ALDH1A3: variants seen among roughly 807,000 people sequenced by gnomAD.
ALDH1A3 encodes the protein retinaldehyde dehydrogenase 3.
In ALDH1A3, 28 loss-of-function variants were observed where a neutral mutation model predicts 57.5. That is an observed-to-expected ratio of 0.49 (90% CI 0.36 to 0.67). The LOEUF (loss-of-function observed/expected upper bound fraction) is 0.67, where lower values mean the gene tolerates loss of function less well. Ranked by LOEUF, ALDH1A3 falls within the 30% of genes least tolerant of loss-of-function variation. The probability of loss-of-function intolerance (pLI) is 0.00; values close to 1 mark genes in which losing one functional copy is unlikely to be tolerated. For synonymous variants in ALDH1A3, 281 were observed against 264.8 expected (o/e 1.06, Z -0.59); for missense variants, 507 against 669.4 (o/e 0.76, Z 2.68).
chr15:100,885,493 C>A, intron 2 of ALDH1A3, 122 bp downstream of exon 2: 1 of 680,144 alleles, frequency 1.5e-6, no homozygotes, highest in Middle Eastern at 2.5e-4. Flanking sequence ...CCTGGGCTAG[C>A]TGCGTGAATT....
Position 100,905,784 on chromosome 15 carries a change from G to C in ALDH1A3, c.1233+97G>C, listed in dbSNP as rs889087781. 3.9e-6 allele frequency: 5 copies of C among 1,289,902 alleles called. No individual in the cohort carries two copies. In the East Asian group the frequency reaches 1.3e-4, roughly 33 times the overall value. 79.9% of individuals were successfully genotyped at this position (1,289,902 alleles called of 1,614,324 possible). A position where few individuals can be genotyped will look rare whatever the true frequency, so the allele number is the denominator to read the frequency against. ...GATCCCAGAAATCCTTGTGATCTGA[G>C]TGTTTTTTTGTTTTTGTTGCTGTTG... On this transcript the variant is annotated intron_variant, in intron 10 of 12. Coordinates refer to ENST00000329841, the MANE Select transcript of ALDH1A3 (RefSeq NM_000693.4).
intron 7 of ALDH1A3, among the ~76,000 whole-genome samples, chr15:100,897,419 C>T (rs981375019): frequency 6.6e-6 from 1 of 152,254 alleles, no homozygotes; most frequent in Non-Finnish European, 1.5e-5. Flanking sequence ...CAGCCCTCCC[C>T]TCCAGGGGTA....
In ALDH1A3 at chr15:100,889,806, G is replaced by T. The variant is rs1031758366; in HGVS notation, c.345+2094G>T. Among the ~76,000 whole-genome samples, 1 of 152,204 alleles carries T rather than the reference G, an allele frequency of 6.6e-6. No individual in the cohort carries two copies. The highest frequency in any genetic ancestry group is 2.4e-5 in the African/African-American group (1 of 41,442). ...AAATCACTTCTGCCACTGGCACCTC[G>T]CAGCCCACGAGAAATAAGATCCAGC... On this transcript the variant is annotated intron_variant, in intron 3 of 12. Transcript: ENST00000329841. This position sits in a 1 kb window ranked among gnomAD's most constrained non-coding sequence, Gnocchi z 5.1.
intron 3 of ALDH1A3, 169 bp from the exon 4 acceptor site, chr15:100,892,341 C>T (rs2041658741): frequency 3.6e-6 from 3 of 835,600 alleles, no homozygotes; most frequent in Non-Finnish European, 3.6e-6. Flanking sequence ...CAGAGACAGG[C>T]CTCGCTTTAC....
intron 9 of ALDH1A3, among the ~76,000 whole-genome samples, chr15:100,905,276 G>C (rs1245760702): frequency 6.6e-6 from 1 of 152,212 alleles, no homozygotes; most frequent in Non-Finnish European, 1.5e-5. Flanking sequence ...AGATAGAAGT[G>C]TAAATATGTC....
At chr15:100,886,928 G>A (rs1188782791) in intron 2 of ALDH1A3, among the ~76,000 whole-genome samples, 1 of 152,170 alleles carries the variant, frequency 6.6e-6, no homozygotes, top group Non-Finnish European at 1.5e-5. Flanking sequence ...TCCCAGCTGG[G>A]ATCAAATGCC....
chr15:100,882,288 G>T (rs1160337771), intron 1 of ALDH1A3, among the ~76,000 whole-genome samples: 1 of 152,164 alleles, frequency 6.6e-6, no homozygotes, highest in Admixed American at 6.5e-5. Flanking sequence ...ATTCTCTAGG[G>T]TCATGCTGTG....
rs1270714052 is a variant in ALDH1A3, at chr15:100,885,771, GA to G, written c.204+407del. On this transcript the variant is annotated intron_variant, in intron 2 of 12. Transcript: ENST00000329841. ...AAGCTTTCTGGCAGAAGACACTTTA[GA>G]AAAAAATAGACACTTTGAAGGAAAA... 2.6e-5 allele frequency among the ~76,000 whole-genome samples: 4 copies of G among 151,018 alleles called. No homozygotes were observed. The East Asian group carries it at 7.8e-4, about 29-fold the overall frequency.
chr15:100,900,778 G>A lies in ALDH1A3; in HGVS notation c.1068+19G>A. 6.2e-7 allele frequency: 1 copy of A among 1,611,592 alleles called. No individual in the cohort carries two copies. Among genetic ancestry groups the A allele is most frequent in the African/African-American group, 1.3e-5 (1 of 75,042 alleles). On this transcript the variant is annotated intron_variant, in intron 9 of 12. Transcript: ENST00000329841. ...GCCTCAGGTAATCCCCCTGGTGTGT[G>A]TGAAACCATGGTGCTTGTCTAGGGG...
chr15:100,899,506 C>T (rs746978583), intron 8 of ALDH1A3, among the ~76,000 whole-genome samples: 5 of 152,294 alleles, frequency 3.3e-5, no homozygotes, highest in South Asian at 2.1e-4. Context: ...CTCATCAGGG[C>T]GGTGCCAGTC....
At chr15:100,908,531 C>T (rs747191192) in intron 12 of ALDH1A3, 49 bp downstream of exon 12, 4 of 1,514,334 alleles carry the variant, frequency 2.6e-6, no homozygotes, top group Non-Finnish European at 1.8e-6. Flanking sequence ...ACACTAGATC[C>T]ACTAGATTTG....
intron 3 of ALDH1A3, among the ~76,000 whole-genome samples, chr15:100,891,158 C>T (rs777626018): frequency 3.9e-5 from 6 of 152,336 alleles, no homozygotes; most frequent in East Asian, 1.9e-4. Context: ...TCACCATGGG[C>T]GGGCACTGTG....
rs1596139406 is a variant in ALDH1A3, at chr15:100,916,130, G to A, written c.*1357G>A. The A allele has an allele frequency of 6.6e-6, 1 of 152,194 alleles. No homozygotes were observed. Among genetic ancestry groups the A allele is most frequent in the Admixed American group, 6.5e-5 (1 of 15,280 alleles). 9.4% of individuals were successfully genotyped at this position (152,194 alleles called of 1,614,324 possible). ...AGGGCCCGTAACAGAACCAGTGTGTGTATAACGAAAACCATGTATAAAATG... is the reference window on the plus strand; with the variant it reads ...AGGGCCCGTAACAGAACCAGTGTGTATATAACGAAAACCATGTATAAAATG... On this transcript the variant is annotated 3_prime_UTR_variant, in exon 13 of 13. Transcript: ENST00000329841.
At chr15:100,886,019 G>A (rs1209870399) in intron 2 of ALDH1A3, among the ~76,000 whole-genome samples, 2 of 152,234 alleles carry the variant, frequency 1.3e-5, no homozygotes, top group East Asian at 1.9e-4. Flanking sequence ...CAGAGGTAAA[G>A]CCCTTCCACT....
intron 9 of ALDH1A3, among the ~76,000 whole-genome samples, chr15:100,903,276 G>C (rs2041789267): frequency 6.6e-6 from 1 of 151,750 alleles, no homozygotes. Flanking sequence ...AGTCCTGATT[G>C]CCTTTGTTAT....
chr15:100,901,021 C>G (rs2041762571), intron 9 of ALDH1A3, among the ~76,000 whole-genome samples: 3 of 152,206 alleles, frequency 2.0e-5, no homozygotes, highest in Admixed American at 2.0e-4. Flanking sequence ...ACCCTCCACT[C>G]TCCAGGATGA....
chr15:100,882,498 T>C (rs1043861704), intron 1 of ALDH1A3, among the ~76,000 whole-genome samples: 3 of 152,236 alleles, frequency 2.0e-5, no homozygotes, highest in African/African-American at 7.2e-5. Flanking sequence ...CAAATCTCCT[T>C]TTCTGAAAAC....
At position 100,893,627 on chromosome 15, in the gene ALDH1A3, G is replaced by A. The variant is rs1335694418; in HGVS notation, c.538-327G>A. ...CAACAGCCAGGCAGGAAGCTGAAGA[G>A]CCAGGTGGCAACATGAAGTGAGGGT... is the stretch of plus-strand genomic sequence containing the variant. On this transcript the variant is annotated intron_variant, in intron 5 of 12. Transcript: ENST00000329841. This position sits in a 1 kb window ranked among gnomAD's most constrained non-coding sequence, Gnocchi z 4.8. 1.7e-5 allele frequency: 4 copies of A among 231,152 alleles called. No individual in the cohort carries two copies. The highest frequency in any genetic ancestry group is 2.3e-5 in the African/African-American group (1 of 44,418). 14.3% of individuals were successfully genotyped at this position (231,152 alleles called of 1,614,324 possible).
rs1250410370 is a variant in ALDH1A3 at position 100,893,190 on chromosome 15, C to T, written c.537+184C>T. On this transcript the variant is annotated intron_variant, in intron 5 of 12. Coordinates refer to ENST00000329841, the MANE Select transcript of ALDH1A3 (RefSeq NM_000693.4). The surrounding 1 kb of genome is among the most constrained non-coding windows in gnomAD (Gnocchi z 4.8). Reference sequence around the variant, plus strand: ...ATGGATTAGACCCCATTTCTGCTCTCCTAAGACCGGCTTTAGGCATGCCAC... The same window carrying T: ...ATGGATTAGACCCCATTTCTGCTCTTCTAAGACCGGCTTTAGGCATGCCAC... 1 of 514,568 alleles carries T rather than the reference C, an allele frequency of 1.9e-6. No homozygotes were observed. Among genetic ancestry groups the T allele is most frequent in the East Asian group, 3.0e-5 (1 of 33,044 alleles). 31.9% of individuals were successfully genotyped at this position (514,568 alleles called of 1,614,324 possible).
Sources: gnomAD v4.1 joint callset for allele counts (sites outside exome capture counted in the v4.1 genomes callset) on GRCh38, gnomAD v4.1.1 for gene constraint, Gnocchi (gnomAD v3.1) non-coding constraint, MANE v1.5 for transcripts, NCBI Gene and HGNC (gene_info 2026-07-23, HGNC 2026-07-21) for gene names.